The following NR2E1 variants were observed in gnomAD, a reference collection of about 807,000 sequenced individuals.
NR2E1 encodes the protein nuclear receptor TLX.
NR2E1 carries 5 observed loss-of-function variants against 43.6 expected under a neutral mutation model. The observed-to-expected ratio is 0.11, with a 90% CI of 0.06 to 0.24. The LOEUF is 0.24. NR2E1 is among the 10% of genes least tolerant of loss of function. NR2E1 has a pLI of 1.00. For synonymous variants in NR2E1, 191 were observed against 195.5 expected (o/e 0.98, Z 0.19); for missense variants, 287 against 496.7 (o/e 0.58, Z 4.01).
intron 8 of NR2E1, among the ~76,000 whole-genome samples, chr6:108,184,106 T>A (rs1358907240): frequency 1.3e-5 from 2 of 152,128 alleles, no homozygotes; most frequent in African/African-American, 4.8e-5. Context: ...GCAGGAGAAC[T>A]GCTTGAAGCT....
intron 8 of NR2E1, among the ~76,000 whole-genome samples, chr6:108,183,472 A>C (rs1163427088): frequency 6.6e-6 from 1 of 152,158 alleles, no homozygotes; most frequent in East Asian, 1.9e-4. Flanking sequence ...GTTAGAATAG[A>C]GTTACTCTTC....
At position 108,180,307 on chromosome 6, in the gene NR2E1, A is replaced by G. The variant is rs572119869; in HGVS notation, c.643-16A>G. 5 of 1,470,766 alleles carry G rather than the reference A, an allele frequency of 3.4e-6. No individual in the cohort carries two copies. In the South Asian group the frequency reaches 3.4e-5, roughly 10 times the overall value. The allele number at this position is 1,470,766 out of a possible 1,614,324, so 91.1% of individuals were successfully genotyped here. ...AATTACACACTATATTATATTATACATCTATTGTATGACAGCTGATGCTTT... is the reference window on the plus strand; with the variant it reads ...AATTACACACTATATTATATTATACGTCTATTGTATGACAGCTGATGCTTT... On this transcript the variant is annotated splice_polypyrimidine_tract_variant and intron_variant, in intron 5 of 8. Transcript: ENST00000368986. This position sits in a 1 kb window ranked among gnomAD's most constrained non-coding sequence, Gnocchi z 5.4.
At chr6:108,174,705 C>T (rs41287534) in intron 2 of NR2E1, 131 bp from the exon 3 acceptor site, 237 of 727,684 alleles carry the variant, frequency 3.3e-4, no homozygotes, top group Non-Finnish European at 4.9e-4. Flanking sequence ...TTTTGCAGGC[C>T]CAGGCTCGGG....
chr6:108,174,792 C>A, intron 2 of NR2E1, 44 bp from the exon 3 acceptor site: 1 of 1,556,666 alleles, frequency 6.4e-7, no homozygotes, highest in Non-Finnish European at 8.9e-7. Context: ...GGGTCTCCAG[C>A]CTAAAGGCCC....
rs1019232630 is a variant in NR2E1, at chr6:108,169,267, T to C, written c.26-2191T>C. ...CGGGAGCCGCGGCTCAGAGGTCTGC[T>C]CAGAGGCAGGACTCGCACTGGTGGT... is the stretch of plus-strand genomic sequence containing the variant. On this transcript the variant is annotated intron_variant, in intron 1 of 8. Transcript: ENST00000368986. This position sits in a 1 kb window ranked among gnomAD's most constrained non-coding sequence, Gnocchi z 6.1. Among the ~76,000 whole-genome samples the C allele has an allele frequency of 3.3e-5, 5 of 152,182 alleles. No individual in the cohort carries two copies. The highest frequency in any genetic ancestry group is 1.2e-4 in the African/African-American group (5 of 41,520).
intron 1 of NR2E1, among the ~76,000 whole-genome samples, chr6:108,170,369 G>A (rs933599601): frequency 6.6e-6 from 1 of 152,114 alleles, no homozygotes; most frequent in Non-Finnish European, 1.5e-5. Context: ...TTTGTTTTGC[G>A]GGAGGAAGCA....
At position 108,166,401 on chromosome 6, in the gene NR2E1, G is replaced by T. The variant is rs151178555; in HGVS notation, c.-365G>T. The T allele has an allele frequency of 1.7e-3, 436 of 251,866 alleles. 1 individual carries two copies. The highest frequency in any genetic ancestry group is 9.7e-3 in the African/African-American group (425 of 43,686). 15.6% of individuals were successfully genotyped at this position (251,866 alleles called of 1,614,324 possible). A position where few individuals can be genotyped will look rare whatever the true frequency, so the allele number is the denominator to read the frequency against. ...AAGAGGGATTTCGCTCCGTAGGAAGGCCATTTTCGTGTCTCCATCTCTGTC... is the reference window on the plus strand; with the variant it reads ...AAGAGGGATTTCGCTCCGTAGGAAGTCCATTTTCGTGTCTCCATCTCTGTC... On this transcript the variant is annotated 5_prime_UTR_variant, in exon 1 of 9. Transcript: ENST00000368986. This position sits in a 1 kb window ranked among gnomAD's most constrained non-coding sequence, Gnocchi z 7.2.
Position 108,176,692 on chromosome 6 carries a change from C to T in NR2E1, c.449C>T (p.Thr150Ile), listed in dbSNP as rs1183802767. 2.5e-6 allele frequency: 4 copies of T among 1,596,528 alleles called. No individual in the cohort carries two copies. The South Asian group carries it at 3.3e-5, about 13-fold the overall frequency. Residue 150 changes from threonine to isoleucine, a missense_variant, in exon 4 of 9, where the codon ACT (threonine) becomes ATT (isoleucine). By Grantham distance (89) the Thr-to-Ile change is moderately conservative. This residue lies in a region of NR2E1 where 119 missense variants were observed against 155.7 expected (regional missense o/e 0.76). Transcript: ENST00000368986. ...HGLELAAVSTTPERQTLVSLA... is the reference protein window; with the variant it reads ...HGLELAAVSTIPERQTLVSLA... Reference sequence around the variant, plus strand: ...CTGGAGCTGGCCGCGGTGTCCACCACTCCAGAGCGGCAGACCCTCGTGAGC... The same window carrying T: ...CTGGAGCTGGCCGCGGTGTCCACCATTCCAGAGCGGCAGACCCTCGTGAGC...
Position 108,166,877 on chromosome 6 carries a change from G to T in NR2E1, c.25+87G>T. On this transcript the variant is annotated intron_variant, in intron 1 of 8. Coordinates refer to ENST00000368986, the MANE Select transcript of NR2E1 (RefSeq NM_003269.5). This position sits in a 1 kb window ranked among gnomAD's most constrained non-coding sequence, Gnocchi z 7.2. ...GGCTGGGGGAGGTCCTGCCTGGAGC[G>T]CTGCGAATCTGAGCCCCTGAGAGGG... 6 of 1,365,926 alleles carry T rather than the reference G, an allele frequency of 4.4e-6. No homozygotes were observed. The highest frequency in any genetic ancestry group is 5.1e-6 in the Non-Finnish European group (5 of 986,794). The allele number at this position is 1,365,926 out of a possible 1,614,324, so 84.6% of individuals were successfully genotyped here.
At chr6:108,187,141 C>T (rs77110427) in intron 8 of NR2E1, among the ~76,000 whole-genome samples, 160 bp from the exon 9 acceptor site, 2,524 of 152,184 alleles carry the variant, frequency 0.017, 31 homozygotes, top group Non-Finnish European at 0.027. Flanking sequence ...ACCTGCAAAA[C>T]GGGGACAACA....
chr6:108,177,395 C>T (rs1773916978), intron 4 of NR2E1, among the ~76,000 whole-genome samples: 1 of 152,210 alleles, frequency 6.6e-6, no homozygotes. Flanking sequence ...CCACCTAAGG[C>T]CTACCCTCCA....
At chr6:108,186,557 G>C (rs1179538022) in intron 8 of NR2E1, among the ~76,000 whole-genome samples, 2 of 152,182 alleles carry the variant, frequency 1.3e-5, no homozygotes, top group African/African-American at 4.8e-5. Context: ...TATGTATATT[G>C]ATATCTAATT....
intron 8 of NR2E1, among the ~76,000 whole-genome samples, chr6:108,186,015 G>T (rs1774070776): frequency 6.6e-6 from 1 of 152,218 alleles, no homozygotes; most frequent in South Asian, 2.1e-4. Flanking sequence ...ACTATGCCTG[G>T]TCCTGGGAAG....
Position 108,181,617 on chromosome 6 carries a change from G to T in NR2E1, c.961G>T (p.Ala321Ser). The T allele has an allele frequency of 2.5e-6, 4 of 1,614,222 alleles. No homozygotes were observed. The highest frequency in any genetic ancestry group is 3.4e-6 in the Non-Finnish European group (4 of 1,180,040). ...CGCCATTGCAGCCCTTCAAGATGAG[G>T]CTCAGCTAACGCTCAACAGCTACAT... The part of the protein sequence containing the change: ...AAAIAALQDE[A>S]QLTLNSYIHT... The change falls in exon 8 of 9, where the codon GCT becomes TCT. Residue 321 changes from alanine (A) to serine (S), a missense_variant. Transcript: ENST00000368986.
At position 108,174,818 on chromosome 6, in the gene NR2E1, T is replaced by A. The variant is rs1348469387; in HGVS notation, c.172-18T>A. On this transcript the variant is annotated intron_variant, in intron 2 of 8. Transcript: ENST00000368986. ...CTAAAGGCCCTGGGGACCGCTGACC[T>A]CCTGCTCTCTGTTCCAGGGAGGCTG... The A allele has an allele frequency of 6.2e-7, 1 of 1,611,596 alleles. No individual in the cohort carries two copies. Among genetic ancestry groups the A allele is most frequent in the East Asian group, 2.2e-5 (1 of 44,840 alleles).
Position 108,176,684 on chromosome 6 carries a change from G to T in NR2E1, c.441G>T (p.Val147=). The T allele has an allele frequency of 6.3e-7, 1 of 1,599,082 alleles. No homozygotes were observed. The change falls in exon 4 of 9, where the codon GTG becomes GTT. Residue 147 remains valine (V), a synonymous_variant. Coordinates refer to ENST00000368986, the MANE Select transcript of NR2E1 (RefSeq NM_003269.5). ...LEPHGLELAA[V]STTPERQTLV... ...CGCACGGCCTGGAGCTGGCCGCGGT[G>T]TCCACCACTCCAGAGCGGCAGACCC...
At chr6:108,182,225 G>T (rs528843464) in intron 8 of NR2E1, among the ~76,000 whole-genome samples, 4 of 136,152 alleles carry the variant, frequency 2.9e-5, no homozygotes, top group African/African-American at 1.2e-4. Flanking sequence ...CTGGGCGACA[G>T]AGCGAGACTC....
At chr6:108,167,152 G>T (rs772470073) in intron 1 of NR2E1, among the ~76,000 whole-genome samples, 3 of 152,088 alleles carry the variant, frequency 2.0e-5, no homozygotes, top group African/African-American at 4.8e-5. Flanking sequence ...TAACACACTC[G>T]CTCAAAACTC....
chr6:108,176,504 C>A lies in NR2E1; in HGVS notation c.261C>A (p.Ala87=). 1 of 1,612,796 alleles carries A rather than the reference C, an allele frequency of 6.2e-7. No individual in the cohort carries two copies. Among genetic ancestry groups the A allele is most frequent in the South Asian group, 1.1e-5 (1 of 91,074 alleles). The change falls in exon 4 of 9, where the codon GCC becomes GCA. Residue 87 remains alanine (A), a splice_region_variant and synonymous_variant. Transcript: ENST00000368986. ...KCLEVNMNKD[A]VQHERGPRTS... ...GCGTTTCTCTGTTTGCCTCTGCAGC[C>A]GTGCAGCACGAGCGGGGGCCTCGGA...
Sources: allele counts gnomAD v4.1 joint callset (sites outside exome capture counted in the v4.1 genomes callset), GRCh38; gene constraint gnomAD v4.1.1; regional missense constraint gnomAD v4.1.1; non-coding constraint Gnocchi (gnomAD v3.1); transcripts MANE v1.5; gene names NCBI Gene and HGNC (gene_info 2026-07-23, HGNC 2026-07-21).